VPS13B: variants seen among roughly 807,000 people sequenced by gnomAD.
The protein encoded by VPS13B is vacuolar protein sorting 13 homolog B.
Under a neutral mutation model 426.4 loss-of-function variants are expected in VPS13B, and 285 were observed. The observed-to-expected ratio is 0.67, with a 90% CI of 0.61 to 0.74. VPS13B has a LOEUF of 0.74. VPS13B is among the 30% of genes least tolerant of loss of function. The pLI, the probability that VPS13B is intolerant of heterozygous loss-of-function variation, is 0.00. For synonymous variants in VPS13B, 1,676 were observed against 1,676.4 expected (o/e 1.00, Z 0.01); for missense variants, 4,537 against 4,782.6 (o/e 0.95, Z 1.51).
chr8:99,844,710 C>T (rs1324792161), intron 54 of VPS13B, among the ~76,000 whole-genome samples: 1 of 152,148 alleles, frequency 6.6e-6, no homozygotes, highest in Non-Finnish European at 1.5e-5. Context: ...ATCCCAAAGA[C>T]CCTGCCTTCT....
Position 99,835,177 on chromosome 8 carries a change from T to A in VPS13B, c.9615-20T>A. The A allele has an allele frequency of 6.2e-7, 1 of 1,613,880 alleles. No individual in the cohort carries two copies. Among genetic ancestry groups the A allele is most frequent in the South Asian group, 1.1e-5 (1 of 91,068 alleles). Reference sequence around the variant, plus strand: ...TTTTTTTCCTAAACATTTCTGTCATTTGACTTGATTCTCTTCCAGGGCTAT... The same window carrying A: ...TTTTTTTCCTAAACATTTCTGTCATATGACTTGATTCTCTTCCAGGGCTAT... On this transcript the variant is annotated intron_variant, in intron 52 of 61. Coordinates refer to ENST00000357162, the MANE Select transcript of VPS13B (RefSeq NM_152564.5).
chr8:99,341,728 C>CT (rs1325366864), intron 19 of VPS13B: 5 of 389,934 alleles, frequency 1.3e-5, no homozygotes, highest in African/African-American at 6.3e-5. Context: ...ATCTTTCTGC[C>CT]TTTTTTGTCT....
intron 3 of VPS13B, among the ~76,000 whole-genome samples, chr8:99,053,856 C>T (rs1301430179): frequency 1.3e-5 from 2 of 152,030 alleles, no homozygotes; most frequent in Non-Finnish European, 2.9e-5. Flanking sequence ...GCGACTACCA[C>T]CACCCCCGGC....
rs559607467 is a variant in VPS13B at position 99,872,043 on chromosome 8, A to G, written c.11745+346A>G. Among the ~76,000 whole-genome samples, 7 of 152,324 alleles carry G rather than the reference A, an allele frequency of 4.6e-5. No individual in the cohort carries two copies. In the East Asian group the frequency reaches 1.4e-3, roughly 29 times the overall value. On this transcript the variant is annotated intron_variant, in intron 61 of 61. Coordinates refer to ENST00000357162, the MANE Select transcript of VPS13B (RefSeq NM_152564.5). ...TCGATGGACAGGAAAATGGAGTTAC[A>G]AAACGAGTGGGTTGGTTCAGGAAGG...
chr8:99,184,810 G>A (rs571844311), intron 16 of VPS13B, among the ~76,000 whole-genome samples: 3 of 152,184 alleles, frequency 2.0e-5, no homozygotes, highest in African/African-American at 7.2e-5. Context: ...GGCCAACATG[G>A]CGAAACCCCG....
chr8:99,209,070 A>G (rs1814908050), intron 17 of VPS13B, among the ~76,000 whole-genome samples: 1 of 152,024 alleles, frequency 6.6e-6, no homozygotes, highest in South Asian at 2.1e-4. Flanking sequence ...CACAAGGTTG[A>G]GAGATCGAGA....
At chr8:99,479,406 T>A (rs1819918389) in intron 24 of VPS13B, among the ~76,000 whole-genome samples, 1 of 152,246 alleles carries the variant, frequency 6.6e-6, no homozygotes, top group Admixed American at 6.5e-5. Flanking sequence ...CATACAGAAC[T>A]CATGTAAAGC....
At chr8:99,528,420 T>C (rs1722367804) in intron 30 of VPS13B, among the ~76,000 whole-genome samples, 1 of 152,086 alleles carries the variant, frequency 6.6e-6, no homozygotes, top group South Asian at 2.1e-4. Flanking sequence ...TAGACACCAA[T>C]AGTAGATATA....
At chr8:99,134,882 A>G (rs537517759) in intron 9 of VPS13B, 133 bp from the exon 10 acceptor site, 7 of 1,235,076 alleles carry the variant, frequency 5.7e-6, no homozygotes, top group Non-Finnish European at 8.0e-6. Flanking sequence ...TAGTATAAAT[A>G]AATAGTATAG....
At chr8:99,281,345 T>C (rs1819160501) in intron 19 of VPS13B, among the ~76,000 whole-genome samples, 1 of 152,200 alleles carries the variant, frequency 6.6e-6, no homozygotes, top group Admixed American at 6.5e-5. Flanking sequence ...TCGATAGGTC[T>C]TTTTTGTTTT....
chr8:99,854,039 C>T lies in VPS13B; in HGVS notation c.10650C>T (p.His3550=), dbSNP rs372367817. Residue 3550 remains histidine (H), a synonymous_variant, in exon 56 of 62, where the codon CAC becomes CAT. Coordinates refer to ENST00000357162, the MANE Select transcript of VPS13B (RefSeq NM_152564.5). ...KQVLPMQVTQ[H]ARALVNPVKL... ...TGTTGCCCATGCAGGTCACACAGCACGCCAGGGCCTTGGTGAATCCTGTGA... is the reference window on the plus strand; with the variant it reads ...TGTTGCCCATGCAGGTCACACAGCATGCCAGGGCCTTGGTGAATCCTGTGA... The T allele has an allele frequency of 7.8e-5, 126 of 1,614,064 alleles. No homozygotes were observed. The highest frequency in any genetic ancestry group is 9.6e-5 in the Non-Finnish European group (113 of 1,180,026).
At chr8:99,848,129 G>T (rs185331713) in intron 54 of VPS13B, among the ~76,000 whole-genome samples, 1 of 152,222 alleles carries the variant, frequency 6.6e-6, no homozygotes, top group Admixed American at 6.5e-5. Context: ...ATACTGAAAG[G>T]GTGTTTGTTC....
chr8:99,526,946 T>C (rs1822681170), intron 30 of VPS13B, among the ~76,000 whole-genome samples: 1 of 152,212 alleles, frequency 6.6e-6, no homozygotes, highest in African/African-American at 2.4e-5. Context: ...GTTACTGTGT[T>C]ATACTGATAT....
chr8:99,457,497 T>G (rs1315050699), intron 23 of VPS13B, among the ~76,000 whole-genome samples: 1 of 152,210 alleles, frequency 6.6e-6, no homozygotes, highest in Non-Finnish European at 1.5e-5. Flanking sequence ...CCCTTTTTTC[T>G]GGGTTAAGCT....
intron 35 of VPS13B, among the ~76,000 whole-genome samples, chr8:99,672,846 T>C (rs951315919): frequency 2.6e-5 from 4 of 152,046 alleles, no homozygotes; most frequent in Non-Finnish European, 5.9e-5. Flanking sequence ...AGAGTTCTTA[T>C]CACGAAGGGA....
chr8:99,518,213 T>G lies in VPS13B; in HGVS notation c.4634-2686T>G, dbSNP rs1400207929. 2.6e-5 allele frequency among the ~76,000 whole-genome samples: 4 copies of G among 152,214 alleles called. No individual in the cohort carries two copies. In the East Asian group the frequency reaches 7.7e-4, roughly 29 times the overall value. On this transcript the variant is annotated intron_variant, in intron 29 of 61. Transcript: ENST00000357162. The stretch of plus-strand genomic sequence containing the variant: ...AGACTTTCATATGGTGAGTAGTATC[T>G]GTAGCCTGGAAGAACAGTTAGCAAA...
Position 99,818,532 on chromosome 8 carries a change from A to T in VPS13B, c.8443A>T (p.Met2815Leu), listed in dbSNP as rs989835229. The T allele has an allele frequency of 1.2e-6, 2 of 1,613,956 alleles. No homozygotes were observed. The highest frequency in any genetic ancestry group is 2.2e-5 in the South Asian group (2 of 91,076). Residue 2815 changes from methionine (M) to leucine (L), a missense_variant and splice_region_variant, in exon 46 of 62, where the codon ATG (methionine) becomes TTG (leucine). Physicochemically the swap from Met to Leu is conservative, Grantham distance 15. Coordinates refer to ENST00000357162, the MANE Select transcript of VPS13B (RefSeq NM_152564.5). ...LEPNSQVQQRMIVFSPLFIMR... is the reference protein window; with the variant it reads ...LEPNSQVQQRLIVFSPLFIMR... ...ACCCAACTCTCAAGTGCAACAACGA[A>T]TGGTGAGTGCTTTCCCAATCCTAAA...
At chr8:99,595,024 C>G (rs142871495) in intron 33 of VPS13B, among the ~76,000 whole-genome samples, 1 of 151,970 alleles carries the variant, frequency 6.6e-6, no homozygotes. Flanking sequence ...TTGAAAGACA[C>G]TTGCATTTTC....
At chr8:99,680,174 A>G (rs142673202) in intron 35 of VPS13B, among the ~76,000 whole-genome samples, 2 of 152,144 alleles carry the variant, frequency 1.3e-5, no homozygotes, top group Non-Finnish European at 2.9e-5. Context: ...TATTGAATTC[A>G]TTGGGTTTTT....
Sources: allele counts gnomAD v4.1 joint callset (sites outside exome capture counted in the v4.1 genomes callset), GRCh38; gene constraint gnomAD v4.1.1; transcripts MANE v1.5; gene names NCBI Gene and HGNC (gene_info 2026-07-23, HGNC 2026-07-21).